UBXN10: variants seen among roughly 807,000 people sequenced by gnomAD.
UBXN10 encodes the protein UBX domain protein 10.
In UBXN10, 6 loss-of-function variants were observed where a neutral mutation model predicts 6.9. That is an observed-to-expected ratio of 0.87 (90% CI 0.48 to 1.72). The LOEUF is 1.72. Ranked by LOEUF, UBXN10 falls within the 40% of genes most tolerant of loss-of-function variation. UBXN10 has a pLI of 0.01. For missense variants in UBXN10, 317 were observed against 348.4 expected (o/e 0.91, Z 0.72); for synonymous variants, 131 against 135.2 (o/e 0.97, Z 0.21).
chr1:20,190,042 T>A (rs1394584557), intron 1 of UBXN10, among the ~76,000 whole-genome samples: 1 of 152,216 alleles, frequency 6.6e-6, no homozygotes, highest in Non-Finnish European at 1.5e-5. Flanking sequence ...GCTCATGAAC[T>A]AAGAATAGCT....
Position 20,187,236 on chromosome 1 carries a change from C to T in UBXN10, c.-16+1083C>T, listed in dbSNP as rs1460438937. ...GCAGTGTTTGCTTCCTGACTCCTAG[C>T]AGGCCGCTGGGGTGCAGCTATTGTG... On this transcript the variant is annotated intron_variant, in intron 1 of 1. Coordinates refer to ENST00000375099, the MANE Select transcript of UBXN10 (RefSeq NM_152376.5). This position sits in a 1 kb window ranked among gnomAD's most constrained non-coding sequence, Gnocchi z 4.6. Among the ~76,000 whole-genome samples the T allele has an allele frequency of 2.6e-5, 4 of 152,232 alleles. No homozygotes were observed. Among genetic ancestry groups the T allele is most frequent in the South Asian group, 2.1e-4 (1 of 4,830 alleles).
rs1287295268 is a variant in UBXN10, at chr1:20,191,433, G to A, written c.*29G>A. The stretch of plus-strand genomic sequence containing the variant: ...CACAGCCACCCAGCTGAGGTCCTGG[G>A]TCTCTGAGCAAAGGAGCATGCTTGG... On this transcript the variant is annotated 3_prime_UTR_variant, in exon 2 of 2. Transcript: ENST00000375099. The surrounding 1 kb of genome is among the most constrained non-coding windows in gnomAD (Gnocchi z 4.5). The A allele has an allele frequency of 3.1e-6, 5 of 1,590,196 alleles. No homozygotes were observed. Among genetic ancestry groups the A allele is most frequent in the Non-Finnish European group, 4.3e-6 (5 of 1,166,556 alleles).
At chr1:20,183,454 T>G (rs1208281414), upstream of UBXN10, among the ~76,000 whole-genome samples, 1 of 152,142 alleles carries the variant, frequency 6.6e-6, no homozygotes, top group African/African-American at 2.4e-5. Flanking sequence ...GGATGCAGGT[T>G]GTAAAATTGC....
In UBXN10 at chr1:20,190,735, G is replaced by A; in HGVS notation, c.174G>A (p.Val58=). 1.2e-6 allele frequency: 2 copies of A among 1,614,090 alleles called. No homozygotes were observed. Among genetic ancestry groups the A allele is most frequent in the Non-Finnish European group, 8.5e-7 (1 of 1,180,044 alleles). ...PSLQKSQGVE[V]CAHHIPSPPP... is the part of the protein sequence containing the mutation. Reference sequence around the variant, plus strand: ...TGCAGAAATCCCAGGGCGTGGAGGTGTGCGCTCATCATATACCATCTCCGC... The same window carrying A: ...TGCAGAAATCCCAGGGCGTGGAGGTATGCGCTCATCATATACCATCTCCGC... The change falls in exon 2 of 2, where the codon GTG becomes GTA. Residue 58 remains valine, a synonymous_variant. Transcript: ENST00000375099.
At chr1:20,185,889 G>A (rs1557791880), upstream of UBXN10, among the ~76,000 whole-genome samples, 1 of 152,206 alleles carries the variant, frequency 6.6e-6, no homozygotes, top group Non-Finnish European at 1.5e-5. Flanking sequence ...GGAAGAGGAG[G>A]AGAGAAGGAG....
chr1:20,188,900 C>G (rs1383942274), intron 1 of UBXN10, among the ~76,000 whole-genome samples: 1 of 152,090 alleles, frequency 6.6e-6, no homozygotes, highest in Non-Finnish European at 1.5e-5. Context: ...ACAACGACGA[C>G]AACAAAAAAC....
upstream of UBXN10, among the ~76,000 whole-genome samples, chr1:20,183,385 C>T (rs941134587): frequency 1.3e-5 from 2 of 152,170 alleles, no homozygotes; most frequent in Non-Finnish European, 2.9e-5. Context: ...TGGGGGAACA[C>T]GCAGGTGAGG....
At position 20,191,150 on chromosome 1, in the gene UBXN10, C is replaced by G; in HGVS notation, c.589C>G (p.Pro197Ala). Residue 197 changes from proline to alanine, a missense_variant, in exon 2 of 2, where the codon CCA (proline) becomes GCA (alanine). Coordinates refer to ENST00000375099, the MANE Select transcript of UBXN10 (RefSeq NM_152376.5). The surrounding 1 kb of genome is among the most constrained non-coding windows in gnomAD (Gnocchi z 4.5). The part of the protein sequence containing the change: ...GNLEEPSDQE[P>A]RLLLAVRSPT... ...TCTGGAGGAACCATCGGACCAAGAA[C>G]CAAGGTTGCTGCTTGCTGTTAGATC... 6.2e-7 allele frequency: 1 copy of G among 1,614,198 alleles called. No homozygotes were observed. Among genetic ancestry groups the G allele is most frequent in the South Asian group, 1.1e-5 (1 of 91,070 alleles).
chr1:20,185,809 C>G (rs1485438689), upstream of UBXN10, among the ~76,000 whole-genome samples: 2 of 152,214 alleles, frequency 1.3e-5, no homozygotes, highest in Non-Finnish European at 2.9e-5. Flanking sequence ...CCCCGCTCCT[C>G]CATGCCCCGG....
In UBXN10 at chr1:20,195,913, C is replaced by T. The variant is rs2018589456; in HGVS notation, c.*4509C>T. The T allele has an allele frequency of 6.0e-6, 1 of 167,048 alleles. No homozygotes were observed. The highest frequency in any genetic ancestry group is 6.5e-5 in the Admixed American group (1 of 15,288). 10.3% of individuals were successfully genotyped at this position (167,048 alleles called of 1,614,324 possible). A position where few individuals can be genotyped will look rare whatever the true frequency, so the allele number is the denominator to read the frequency against. ...ACACTGTTTATCTCTATCTCCTGTC[C>T]TTCATCCCTCCCTTTCTTGCCACCC... On this transcript the variant is annotated 3_prime_UTR_variant, in exon 2 of 2. Coordinates refer to ENST00000375099, the MANE Select transcript of UBXN10 (RefSeq NM_152376.5).
At chr1:20,186,883 C>CTG (rs1253644323) in intron 1 of UBXN10, among the ~76,000 whole-genome samples, 1 of 107,150 alleles carries the variant, frequency 9.3e-6, no homozygotes, top group African/African-American at 3.7e-5. Context: ...TCCTGAAAGC[C>CTG]TGGTGGGGGT....
upstream of UBXN10, chr1:20,186,007 CCCCACCCGA>C: frequency 7.3e-6 from 1 of 137,158 alleles, no homozygotes; most frequent in African/African-American, 3.1e-5. Context: ...CCCCACCCGA[CCCCACCCGA>C]CCCCACCCGA....
chr1:20,186,321 GTC>G (rs1482133295), intron 1 of UBXN10, 168 bp downstream of exon 1: 1 of 152,278 alleles, frequency 6.6e-6, no homozygotes, highest in Middle Eastern at 3.2e-3. Flanking sequence ...CTGGAGAAAA[GTC>G]TGCTCCCGAG....
At position 20,187,623 on chromosome 1, in the gene UBXN10, C is replaced by A. The variant is rs1453788814; in HGVS notation, c.-16+1470C>A. Reference sequence around the variant, plus strand: ...AAGCAGGTTGGATATAATGGTTTTACCTGAAGGAGGTGTTAGTCTCTAAAT... The same window carrying A: ...AAGCAGGTTGGATATAATGGTTTTAACTGAAGGAGGTGTTAGTCTCTAAAT... On this transcript the variant is annotated intron_variant, in intron 1 of 1. Transcript: ENST00000375099. This position sits in a 1 kb window ranked among gnomAD's most constrained non-coding sequence, Gnocchi z 4.6. 1.3e-5 allele frequency among the ~76,000 whole-genome samples: 2 copies of A among 152,076 alleles called. No homozygotes were observed. The highest frequency in any genetic ancestry group is 2.9e-5 in the Non-Finnish European group (2 of 68,012).
intron 1 of UBXN10, among the ~76,000 whole-genome samples, chr1:20,190,236 C>G (rs747365245): frequency 2.6e-5 from 4 of 152,138 alleles, no homozygotes; most frequent in Admixed American, 6.5e-5. Flanking sequence ...ACCTTAATCA[C>G]GCTCTGGTGC....
chr1:20,194,870 C>G lies in UBXN10; in HGVS notation c.*3466C>G, dbSNP rs1048521603. 1.2e-5 allele frequency: 2 copies of G among 167,092 alleles called. No homozygotes were observed. Among genetic ancestry groups the G allele is most frequent in the Non-Finnish European group, 2.9e-5 (2 of 68,120 alleles). The allele number at this position is 167,092 out of a possible 1,614,324, so 10.4% of individuals were successfully genotyped here. On this transcript the variant is annotated 3_prime_UTR_variant, in exon 2 of 2. Transcript: ENST00000375099. ...TTTAGAAGTCATTCCAAGAATTAAG[C>G]AGGAACATCTGTTTTCTCAGTCCAT...
chr1:20,186,551 A>C (rs2018397548), intron 1 of UBXN10: 1 of 152,266 alleles, frequency 6.6e-6, no homozygotes, highest in South Asian at 2.1e-4. Context: ...TCTTTCTCTG[A>C]AGTCAATTCT....
chr1:20,193,641 C>A lies in UBXN10; in HGVS notation c.*2237C>A, dbSNP rs1235628919. 6.0e-6 allele frequency: 1 copy of A among 167,192 alleles called. No individual in the cohort carries two copies. The highest frequency in any genetic ancestry group is 3.4e-3 in the Middle Eastern group (1 of 298). 10.4% of individuals were successfully genotyped at this position (167,192 alleles called of 1,614,324 possible). A position where few individuals can be genotyped will look rare whatever the true frequency, so the allele number is the denominator to read the frequency against. On this transcript the variant is annotated 3_prime_UTR_variant, in exon 2 of 2. Transcript: ENST00000375099. ...GAAAGCACTTGTTCCACTGTTAGAACCAAGTCCTCCTCCCCGGACACTTCT... is the reference window on the plus strand; with the variant it reads ...GAAAGCACTTGTTCCACTGTTAGAAACAAGTCCTCCTCCCCGGACACTTCT...
rs2018493761 is a variant in UBXN10 at position 20,191,215 on chromosome 1, A to G, written c.654A>G (p.Thr218=). The change falls in exon 2 of 2, where the codon ACA becomes ACG. Residue 218 remains threonine (T), a synonymous_variant. Transcript: ENST00000375099. This position sits in a 1 kb window ranked among gnomAD's most constrained non-coding sequence, Gnocchi z 4.5. ...GGTTTGTACGCCATTTCCGGCCAAC[A>G]GATGATTTGCAAACCATTGTTGCTG... is the stretch of plus-strand genomic sequence containing the variant. ...GQRFVRHFRP[T]DDLQTIVAVA... 5.0e-6 allele frequency: 8 copies of G among 1,614,216 alleles called. No individual in the cohort carries two copies. The East Asian group carries it at 1.8e-4, about 36-fold the overall frequency.
Sources: gnomAD v4.1 joint callset for allele counts (sites outside exome capture counted in the v4.1 genomes callset) on GRCh38, gnomAD v4.1.1 for gene constraint, Gnocchi (gnomAD v3.1) non-coding constraint, MANE v1.5 for transcripts, NCBI Gene and HGNC (gene_info 2026-07-23, HGNC 2026-07-21) for gene names.